MYO7B: variants seen among roughly 807,000 people sequenced by gnomAD.
MYO7B encodes unconventional myosin-VIIb.
MYO7B carries 212 observed loss-of-function variants against 259.7 expected under a neutral mutation model. The ratio of observed to expected loss-of-function variants is 0.82; its 90% CI spans 0.73 to 0.91. The LOEUF is 0.91. Among genes scored for constraint, MYO7B ranks in the 40% least tolerant of loss-of-function variants. MYO7B has a pLI of 0.00. For missense variants in MYO7B, 2,732 were observed against 2,813.5 expected (o/e 0.97, Z 0.66); for synonymous variants, 1,197 against 1,166.4 (o/e 1.03, Z -0.54).
intron 26 of MYO7B, among the ~76,000 whole-genome samples, chr2:127,618,356 AG>A (rs1163483164): frequency 1.3e-5 from 2 of 152,214 alleles, no homozygotes; most frequent in Admixed American, 1.3e-4. Flanking sequence ...AAGCAAAGAC[AG>A]CCCCCACCCC....
rs1197041358 is a variant in MYO7B at position 127,566,908 on chromosome 2, A to G, written c.470+81A>G. 3.5e-6 allele frequency: 5 copies of G among 1,436,544 alleles called. No homozygotes were observed. The African/African-American group carries it at 5.6e-5, about 16-fold the overall frequency. 89.0% of individuals were successfully genotyped at this position (1,436,544 alleles called of 1,614,324 possible). ...CAGCATGCCTGCAAGATCAGGCGAG[A>G]TGAGAGCTCTCCCTACTCCATGGCA... On this transcript the variant is annotated intron_variant, in intron 5 of 47. Transcript: ENST00000409816.
rs1279838868 is a variant in MYO7B at position 127,614,213 on chromosome 2, T to C, written c.3398+1610T>C. Among the ~76,000 whole-genome samples the C allele has an allele frequency of 6.6e-6, 1 of 152,194 alleles. No individual in the cohort carries two copies. The highest frequency in any genetic ancestry group is 1.5e-5 in the Non-Finnish European group (1 of 68,028). On this transcript the variant is annotated intron_variant, in intron 26 of 47. Transcript: ENST00000409816. The surrounding 1 kb of genome is among the most constrained non-coding windows in gnomAD (Gnocchi z 4.6). Reference sequence around the variant, plus strand: ...TATAGGCACTCCCATACAGTGCTGGTGTCCAGCAGTGATACTGTCCAACAC... The same window carrying C: ...TATAGGCACTCCCATACAGTGCTGGCGTCCAGCAGTGATACTGTCCAACAC...
In MYO7B at chr2:127,621,980, A is replaced by T; in HGVS notation, c.3526-2A>T. On this transcript the variant is annotated splice_acceptor_variant, in intron 27 of 47. Transcript: ENST00000409816. LOFTEE classifies it high-confidence loss of function. ...CTCCCTTCTCCCCTCCTCACCCACC[A>T]GTATCTACTGAACTTCATCGGCCAA... 1 of 1,551,740 alleles carries T rather than the reference A, an allele frequency of 6.4e-7. No individual in the cohort carries two copies.
chr2:127,617,417 G>T (rs1055658488), intron 26 of MYO7B, among the ~76,000 whole-genome samples: 2 of 148,206 alleles, frequency 1.3e-5, no homozygotes, highest in African/African-American at 2.5e-5. Context: ...CCCGTTCTTT[G>T]TACCTCTAGG....
At chr2:127,629,245 C>T (rs1434068951) in intron 34 of MYO7B, among the ~76,000 whole-genome samples, 1 of 152,186 alleles carries the variant, frequency 6.6e-6, no homozygotes, top group Non-Finnish European at 1.5e-5. Context: ...ACGGCCACCG[C>T]AGGAGGGAAA....
At chr2:127,581,349 G>A (rs1189124078) in intron 10 of MYO7B, among the ~76,000 whole-genome samples, 2 of 152,218 alleles carry the variant, frequency 1.3e-5, no homozygotes, top group African/African-American at 4.8e-5. Context: ...CCTCTGCAAT[G>A]GGGACATGGC....
chr2:127,542,675 A>G (rs1693051954), intron 1 of MYO7B, among the ~76,000 whole-genome samples: 1 of 152,178 alleles, frequency 6.6e-6, no homozygotes, highest in African/African-American at 2.4e-5. Context: ...ATAGAGAAAG[A>G]AAAGTGGGCC....
intron 34 of MYO7B, 109 bp from the exon 35 acceptor site, chr2:127,629,536 C>T: frequency 2.7e-6 from 3 of 1,116,188 alleles, no homozygotes; most frequent in Admixed American, 5.1e-5. Context: ...GTCTTCTGCC[C>T]ACCACTCTAT....
At chr2:127,600,140 TAGAG>T (rs1294532237) in intron 19 of MYO7B, among the ~76,000 whole-genome samples, 4 of 152,196 alleles carry the variant, frequency 2.6e-5, no homozygotes, top group African/African-American at 4.8e-5. Context: ...AATTTTTTTA[TAGAG>T]AGTTTTTAAT....
chr2:127,628,337 AG>A lies in MYO7B; in HGVS notation c.4461-30del, dbSNP rs1199587943. On this transcript the variant is annotated intron_variant, in intron 33 of 47. Coordinates refer to ENST00000409816, the MANE Select transcript of MYO7B (RefSeq NM_001393586.1). This position sits in a 1 kb window ranked among gnomAD's most constrained non-coding sequence, Gnocchi z 4.8. ...TAGGGGCTGGATCAGGGGAAGGTGG[AG>A]GGGGCTCCTGGTCACGCTGTCCTTC... 6.4e-7 allele frequency: 1 copy of A among 1,574,440 alleles called. No homozygotes were observed.
chr2:127,625,636 C>T, intron 31 of MYO7B, 101 bp downstream of exon 31: 1 of 1,280,410 alleles, frequency 7.8e-7, no homozygotes, highest in Non-Finnish European at 1.0e-6. Flanking sequence ...CCCACAACCC[C>T]CACCCCCTGG....
At chr2:127,541,736 C>G (rs1210204718) in intron 1 of MYO7B, among the ~76,000 whole-genome samples, 1 of 152,138 alleles carries the variant, frequency 6.6e-6, no homozygotes, top group East Asian at 1.9e-4. Context: ...AATCCCCAGC[C>G]CCATATTTCC....
chr2:127,618,332 TCCCTAC>T (rs929527415), intron 26 of MYO7B, among the ~76,000 whole-genome samples: 2 of 152,144 alleles, frequency 1.3e-5, no homozygotes, highest in African/African-American at 4.8e-5. Context: ...GAAAAAGGGC[TCCCTAC>T]TCCTAGTAAG....
rs780322503 is a variant in MYO7B, at chr2:127,631,683, C to T, written c.5179C>T (p.Leu1727=). 6.2e-7 allele frequency: 1 copy of T among 1,613,088 alleles called. No homozygotes were observed. Among genetic ancestry groups the T allele is most frequent in the South Asian group, 1.1e-5 (1 of 91,086 alleles). Residue 1727 remains leucine, a synonymous_variant, in exon 38 of 48, where the codon CTG becomes TTG. Coordinates refer to ENST00000409816, the MANE Select transcript of MYO7B (RefSeq NM_001393586.1). ...CACCGACCAGATCTTCACACTGGCC[C>T]TGCAGCACCCGGCCCTCCAGGACGA... ...ELTDQIFTLA[L]QHPALQDEVY...
In MYO7B at chr2:127,585,783, G is replaced by A. The variant is rs1466875652; in HGVS notation, c.1690+870G>A. Among the ~76,000 whole-genome samples the A allele has an allele frequency of 6.6e-6, 1 of 152,218 alleles. No individual in the cohort carries two copies. The highest frequency in any genetic ancestry group is 1.5e-5 in the Non-Finnish European group (1 of 68,042). Reference sequence around the variant, plus strand: ...TTATTATAGCTACCCTAGTGGGTTTGAAGTCTCAATGTGATTTGCATCTGC... The same window carrying A: ...TTATTATAGCTACCCTAGTGGGTTTAAAGTCTCAATGTGATTTGCATCTGC... On this transcript the variant is annotated intron_variant, in intron 14 of 47. Coordinates refer to ENST00000409816, the MANE Select transcript of MYO7B (RefSeq NM_001393586.1). The surrounding 1 kb of genome is among the most constrained non-coding windows in gnomAD (Gnocchi z 4.3).
chr2:127,625,607 A>G (rs1681070595), intron 31 of MYO7B, 72 bp downstream of exon 31: 4 of 1,410,560 alleles, frequency 2.8e-6, no homozygotes, highest in Non-Finnish European at 1.9e-6. Flanking sequence ...CATGGTATAC[A>G]GAGGAGATGG....
intron 1 of MYO7B, among the ~76,000 whole-genome samples, chr2:127,557,018 A>G (rs1677856622): frequency 6.6e-6 from 1 of 152,144 alleles, no homozygotes; most frequent in Non-Finnish European, 1.5e-5. Flanking sequence ...AGGAATGCAA[A>G]TTATTCTTAG....
chr2:127,636,989 C>T lies in MYO7B; in HGVS notation c.6327+76C>T, dbSNP rs1378631431. On this transcript the variant is annotated intron_variant, in intron 47 of 47. Transcript: ENST00000409816. This position sits in a 1 kb window ranked among gnomAD's most constrained non-coding sequence, Gnocchi z 4.5. ...GAGACTGGGTTCCCCACCCTCACCCCTTTCAAGTGGCTCACTAAGAGGGCT... is the reference window on the plus strand; with the variant it reads ...GAGACTGGGTTCCCCACCCTCACCCTTTTCAAGTGGCTCACTAAGAGGGCT... 6.3e-7 allele frequency: 1 copy of T among 1,582,664 alleles called. No individual in the cohort carries two copies. The highest frequency in any genetic ancestry group is 1.8e-5 in the Admixed American group (1 of 56,816).
intron 31 of MYO7B, 111 bp from the exon 32 acceptor site, chr2:127,626,864 C>A: frequency 2.0e-6 from 2 of 993,606 alleles, no homozygotes; most frequent in South Asian, 1.6e-5. Context: ...CAGACACTGG[C>A]CTTGTAGAGC....
Sources: allele counts gnomAD v4.1 joint callset (sites outside exome capture counted in the v4.1 genomes callset), GRCh38; gene constraint gnomAD v4.1.1; non-coding constraint Gnocchi (gnomAD v3.1); transcripts MANE v1.5; gene names NCBI Gene and HGNC (gene_info 2026-07-23, HGNC 2026-07-21).